PPP1R7: variants seen among roughly 807,000 people sequenced by gnomAD.
PPP1R7 encodes the protein protein phosphatase 1 regulatory subunit 22.
In PPP1R7, 18 loss-of-function variants were observed where a neutral mutation model predicts 45.2. That is an observed-to-expected ratio of 0.40 (90% CI 0.28 to 0.59). The LOEUF (loss-of-function observed/expected upper bound fraction) is 0.59. Ranked by LOEUF, PPP1R7 falls within the 20% of genes least tolerant of loss-of-function variation. PPP1R7 has a pLI of 0.46. For missense variants in PPP1R7, 314 were observed against 455.8 expected (o/e 0.69, Z 2.83); for synonymous variants, 181 against 183.4 (o/e 0.99, Z 0.11).
intron 9 of PPP1R7, among the ~76,000 whole-genome samples, chr2:241,170,081 T>C (rs1408093088): frequency 2.6e-5 from 4 of 152,204 alleles, no homozygotes; most frequent in Admixed American, 1.3e-4. Context: ...TTGACATAGC[T>C]TGTTAGAAAT....
chr2:241,178,377 T>C (rs1046783102), intron 9 of PPP1R7, among the ~76,000 whole-genome samples: 6 of 152,244 alleles, frequency 3.9e-5, no homozygotes, highest in South Asian at 2.1e-4. Context: ...TATTAACTTA[T>C]AGAGATTCTA....
At chr2:241,173,429 TAAG>T (rs931962920) in intron 9 of PPP1R7, among the ~76,000 whole-genome samples, 4 of 152,190 alleles carry the variant, frequency 2.6e-5, no homozygotes, top group African/African-American at 9.6e-5. Flanking sequence ...TTATTTCTAA[TAAG>T]AAGCCAGCAG....
At chr2:241,150,150 CA>C, upstream of PPP1R7, 1 of 1,272,850 alleles carries the variant, frequency 7.9e-7, no homozygotes, top group Non-Finnish European at 9.9e-7. Context: ...TGACATAAGT[CA>C]ACTCTCAAGC....
Position 241,163,319 on chromosome 2 carries a change from A to T in PPP1R7, c.632A>T (p.Glu211Val). The stretch of plus-strand genomic sequence containing the variant: ...AATATCGACACCTTAACCAACCTGG[A>T]GAGTTTGTTTTTGGGGAAAAACAAA... ...IENIDTLTNL[E>V]SLFLGKNKIT... The change falls in exon 7 of 10, where the codon GAG becomes GTG. Residue 211 changes from glutamate (E) to valine (V), a missense_variant. Transcript: ENST00000234038. 6.2e-7 allele frequency: 1 copy of T among 1,613,854 alleles called. No homozygotes were observed. Among genetic ancestry groups the T allele is most frequent in the African/African-American group, 1.3e-5 (1 of 75,030 alleles).
At chr2:241,158,231 G>C (rs1169557354) in intron 3 of PPP1R7, among the ~76,000 whole-genome samples, 2 of 152,156 alleles carry the variant, frequency 1.3e-5, no homozygotes, top group Non-Finnish European at 2.9e-5. Context: ...CTTATGTTTT[G>C]TGCATACAGG....
rs1196512988 is a variant in PPP1R7 at position 241,169,772 on chromosome 2, T to G, written c.820-9T>G. The G allele has an allele frequency of 1.3e-6, 2 of 1,598,104 alleles. No homozygotes were observed. The highest frequency in any genetic ancestry group is 1.1e-5 in the South Asian group (1 of 90,690). On this transcript the variant is annotated splice_polypyrimidine_tract_variant and intron_variant, in intron 8 of 9. Coordinates refer to ENST00000234038, the MANE Select transcript of PPP1R7 (RefSeq NM_002712.3). ...GTAATCCAGGAAACATTTTATTTCC[T>G]TCTTTTAGAACAAACTCACGATGTT...
chr2:241,163,860 C>T (rs1309830642), intron 7 of PPP1R7, among the ~76,000 whole-genome samples: 1 of 152,164 alleles, frequency 6.6e-6, no homozygotes, highest in Non-Finnish European at 1.5e-5. Context: ...AGTGATCTTC[C>T]TGCCTTGGCC....
chr2:241,150,183 C>G, upstream of PPP1R7: 2 of 1,279,904 alleles, frequency 1.6e-6, no homozygotes, highest in Non-Finnish European at 2.0e-6. Flanking sequence ...CTCCACTCTG[C>G]CTAGACGTCC....
chr2:241,160,605 G>C (rs2125489468), intron 6 of PPP1R7, 111 bp downstream of exon 6: 2 of 990,398 alleles, frequency 2.0e-6, no homozygotes, highest in South Asian at 2.2e-5. Flanking sequence ...TTCTTACAAT[G>C]CTGTGATTTT....
chr2:241,179,212 G>C (rs2067959631), intron 9 of PPP1R7, among the ~76,000 whole-genome samples: 1 of 152,178 alleles, frequency 6.6e-6, no homozygotes, highest in Non-Finnish European at 1.5e-5. Flanking sequence ...AGATTACTGG[G>C]AAGGATGTTG....
At chr2:241,180,451 T>C (rs1235873262) in intron 9 of PPP1R7, among the ~76,000 whole-genome samples, 3 of 150,630 alleles carry the variant, frequency 2.0e-5, no homozygotes, top group Non-Finnish European at 2.9e-5. Context: ...TTTTTAAGCT[T>C]ACAGATTTGC....
Position 241,166,194 on chromosome 2 carries a change from G to A in PPP1R7, c.715-143G>A, listed in dbSNP as rs564223340. ...TGGGATTACAGGCATGAGCCACCGCGCCCGGCCCCATTCTAGCATGTTTTA... is the reference window on the plus strand; with the variant it reads ...TGGGATTACAGGCATGAGCCACCGCACCCGGCCCCATTCTAGCATGTTTTA... On this transcript the variant is annotated intron_variant, in intron 7 of 9. Transcript: ENST00000234038. The A allele has an allele frequency of 1.1e-4, 69 of 636,346 alleles. 1 individual carries two copies. The South Asian group carries it at 1.1e-3, about 10-fold the overall frequency. 39.4% of individuals were successfully genotyped at this position (636,346 alleles called of 1,614,324 possible). A position where few individuals can be genotyped will look rare whatever the true frequency, so the allele number is the denominator to read the frequency against.
chr2:241,163,269 T>A lies in PPP1R7; in HGVS notation c.598-16T>A. 6.4e-7 allele frequency: 1 copy of A among 1,573,916 alleles called. No homozygotes were observed. Among genetic ancestry groups the A allele is most frequent in the Non-Finnish European group, 8.7e-7 (1 of 1,143,522 alleles). On this transcript the variant is annotated splice_polypyrimidine_tract_variant and intron_variant, in intron 6 of 9. Transcript: ENST00000234038. ...TGTCAACTGCAGTACTCATTGCTGTTCTGTCCTTTCCACAGGCAATCGAAA... is the reference window on the plus strand; with the variant it reads ...TGTCAACTGCAGTACTCATTGCTGTACTGTCCTTTCCACAGGCAATCGAAA...
chr2:241,154,485 C>T (rs1283663261), intron 2 of PPP1R7, among the ~76,000 whole-genome samples: 1 of 151,970 alleles, frequency 6.6e-6, no homozygotes, highest in Non-Finnish European at 1.5e-5. Flanking sequence ...GTCAGGAGTT[C>T]GAGACCAGCC....
At chr2:241,171,359 G>A (rs1195705721) in intron 9 of PPP1R7, among the ~76,000 whole-genome samples, 1 of 152,184 alleles carries the variant, frequency 6.6e-6, no homozygotes, top group East Asian at 1.9e-4. Context: ...GCTTTATGGT[G>A]TCCATACCTC....
intron 9 of PPP1R7, among the ~76,000 whole-genome samples, chr2:241,177,853 G>A (rs527298850): frequency 6.8e-4 from 104 of 152,346 alleles, no homozygotes; most frequent in Middle Eastern, 3.4e-3. Flanking sequence ...CCCTCATGGT[G>A]TCTGATGCCG....
At chr2:241,167,062 G>A (rs760150281) in intron 8 of PPP1R7, 25 of 1,611,522 alleles carry the variant, frequency 1.6e-5, no homozygotes, top group Admixed American at 1.0e-4. Flanking sequence ...ACAGCCTCAC[G>A]TACTGAGGGG....
At chr2:241,155,428 C>A (rs1358899863) in intron 2 of PPP1R7, among the ~76,000 whole-genome samples, 1 of 152,214 alleles carries the variant, frequency 6.6e-6, no homozygotes, top group Admixed American at 6.5e-5. Flanking sequence ...TGGGAATATG[C>A]ATTTCTAGCC....
At chr2:241,168,342 A>T (rs931567222) in intron 8 of PPP1R7, among the ~76,000 whole-genome samples, 2 of 152,112 alleles carry the variant, frequency 1.3e-5, no homozygotes, top group Non-Finnish European at 2.9e-5. Context: ...ACGAGGCTCA[A>T]ATCCTGCGTG....
Sources: gnomAD v4.1 joint callset for allele counts (sites outside exome capture counted in the v4.1 genomes callset) on GRCh38, gnomAD v4.1.1 for gene constraint, MANE v1.5 for transcripts, NCBI Gene and HGNC (gene_info 2026-07-23, HGNC 2026-07-21) for gene names.